PDCD11: variants seen among roughly 807,000 people sequenced by gnomAD.
PDCD11 encodes protein RRP5 homolog.
A neutral mutation model predicts 198.9 loss-of-function variants in PDCD11; 97 were observed. The ratio of observed to expected loss-of-function variants is 0.49; its 90% CI spans 0.41 to 0.58. The LOEUF (loss-of-function observed/expected upper bound fraction) is 0.58. Ranked by LOEUF, PDCD11 falls within the 20% of genes least tolerant of loss-of-function variation. The probability of loss-of-function intolerance (pLI) is 0.00; values close to 1 mark genes in which losing one functional copy is unlikely to be tolerated. For synonymous variants in PDCD11, 893 were observed against 918.0 expected (o/e 0.97, Z 0.49); for missense variants, 2,102 against 2,312.7 (o/e 0.91, Z 1.87).
intron 33 of PDCD11, 30 bp downstream of exon 33, chr10:103,443,363 G>A: frequency 6.4e-7 from 1 of 1,563,542 alleles, no homozygotes; most frequent in South Asian, 1.2e-5. Context: ...ACGAACTCCT[G>A]GGAGTTCCAG....
At chr10:103,412,522 G>A (rs1342960161) in intron 8 of PDCD11, among the ~76,000 whole-genome samples, 2 of 152,102 alleles carry the variant, frequency 1.3e-5, no homozygotes, top group Non-Finnish European at 2.9e-5. Context: ...GGGTTTCACT[G>A]TGTTAGCCAG....
At position 103,411,542 on chromosome 10, in the gene PDCD11, T is replaced by C. The variant is rs550408481; in HGVS notation, c.979-1574T>C. On this transcript the variant is annotated intron_variant, in intron 8 of 35. Transcript: ENST00000369797. Reference sequence around the variant, plus strand: ...CACCACGCCCAGCTAATTTTTGCTATGTTTTATAGAGATGGGGTCTCGCTG... The same window carrying C: ...CACCACGCCCAGCTAATTTTTGCTACGTTTTATAGAGATGGGGTCTCGCTG... Among the ~76,000 whole-genome samples, 3 of 152,028 alleles carry C rather than the reference T, an allele frequency of 2.0e-5. No individual in the cohort carries two copies. In the East Asian group the frequency reaches 5.8e-4, roughly 29 times the overall value.
intron 5 of PDCD11, 119 bp from the exon 6 acceptor site, chr10:103,405,866 G>C: frequency 9.3e-7 from 1 of 1,075,500 alleles, no homozygotes; most frequent in Non-Finnish European, 1.4e-6. Context: ...AAGGTTTAAT[G>C]TGGGAGTGGG....
intron 1 of PDCD11, among the ~76,000 whole-genome samples, chr10:103,397,989 A>G (rs569821677): frequency 8.5e-5 from 13 of 152,250 alleles, no homozygotes; most frequent in African/African-American, 3.1e-4. Flanking sequence ...ATCCCTTCCT[A>G]CATTGCCTTA....
In PDCD11 at chr10:103,441,919, C is replaced by T; in HGVS notation, c.4651C>T (p.Pro1551Ser). 1.2e-6 allele frequency: 2 copies of T among 1,614,210 alleles called. No individual in the cohort carries two copies. The highest frequency in any genetic ancestry group is 8.5e-7 in the Non-Finnish European group (1 of 1,180,026). Residue 1551 changes from proline to serine, a missense_variant, in exon 31 of 36, where the codon CCA becomes TCA. Pro to Ser is a moderately conservative substitution (Grantham distance 74). Coordinates refer to ENST00000369797, the MANE Select transcript of PDCD11 (RefSeq NM_014976.2). ...ACTAGACTCTCTGACCCCGGCCTTG[C>T]CACCTCTAGCAGAGAGCTCAGACAG... ...VGLDSLTPALPPLAESSDSEE... is the reference protein window; with the variant it reads ...VGLDSLTPALSPLAESSDSEE...
intron 1 of PDCD11, among the ~76,000 whole-genome samples, chr10:103,397,694 G>C (rs1364086893): frequency 6.6e-6 from 1 of 152,192 alleles, no homozygotes; most frequent in African/African-American, 2.4e-5. Flanking sequence ...TCGGGCTCCC[G>C]AAGTGCTGGC....
intron 17 of PDCD11, among the ~76,000 whole-genome samples, chr10:103,422,776 T>C (rs2031511271): frequency 6.6e-6 from 1 of 152,168 alleles, no homozygotes; most frequent in Non-Finnish European, 1.5e-5. Flanking sequence ...CCATGAATTA[T>C]GGTCAGGTAG....
At chr10:103,421,278 A>G in intron 16 of PDCD11, 70 bp from the exon 17 acceptor site, 3 of 1,272,626 alleles carry the variant, frequency 2.4e-6, no homozygotes, top group Non-Finnish European at 3.4e-6. Context: ...ACCCCTTTCC[A>G]GGAACATCAA....
In PDCD11 at chr10:103,441,807, C is replaced by T. The variant is rs200564569; in HGVS notation, c.4558-19C>T. On this transcript the variant is annotated intron_variant, in intron 30 of 35. Coordinates refer to ENST00000369797, the MANE Select transcript of PDCD11 (RefSeq NM_014976.2). ...AGCCTGAGCCAGGTGCTTTCTTTAG[C>T]GCCTCTGTGTTCCTCCAGGAGAAGC... is the stretch of plus-strand genomic sequence containing the variant. 9 of 1,610,998 alleles carry T rather than the reference C, an allele frequency of 5.6e-6. No homozygotes were observed. Among genetic ancestry groups the T allele is most frequent in the African/African-American group, 5.3e-5 (4 of 74,796 alleles).
chr10:103,433,282 G>A (rs1391909840), intron 22 of PDCD11, among the ~76,000 whole-genome samples: 2 of 152,100 alleles, frequency 1.3e-5, no homozygotes, highest in African/African-American at 2.4e-5. Context: ...ATCACTTCAG[G>A]TCAGGAGTTT....
intron 26 of PDCD11, 134 bp from the exon 27 acceptor site, chr10:103,438,552 C>A: frequency 8.5e-7 from 1 of 1,182,790 alleles, no homozygotes; most frequent in Non-Finnish European, 1.2e-6. Flanking sequence ...TAGAGTTGGG[C>A]TCTAAAGGTT....
chr10:103,444,356 G>T, intron 34 of PDCD11, 161 bp from the exon 35 acceptor site: 1 of 688,696 alleles, frequency 1.5e-6, no homozygotes, highest in Non-Finnish European at 2.5e-6. Context: ...CTGTGTATTT[G>T]GCCCCAAACC....
chr10:103,427,020 G>T (rs1189213516), intron 20 of PDCD11, among the ~76,000 whole-genome samples: 1 of 152,054 alleles, frequency 6.6e-6, no homozygotes, highest in Non-Finnish European at 1.5e-5. Context: ...GAGCTGGGAG[G>T]ATTGCTTGAG....
chr10:103,409,907 C>A, intron 8 of PDCD11, 101 bp downstream of exon 8: 6 of 805,934 alleles, frequency 7.4e-6, no homozygotes, highest in African/African-American at 3.4e-5. Flanking sequence ...TGCATGCATA[C>A]AGGTGTGCAG....
intron 7 of PDCD11, 127 bp downstream of exon 7, chr10:103,406,917 C>T (rs948764286): frequency 1.5e-6 from 1 of 659,276 alleles, no homozygotes; most frequent in African/African-American, 1.9e-5. Context: ...TTGAGCATTT[C>T]AAATGTGGCC....
At chr10:103,429,674 A>G (rs1203428277) in intron 21 of PDCD11, among the ~76,000 whole-genome samples, 1 of 151,976 alleles carries the variant, frequency 6.6e-6, no homozygotes, top group Non-Finnish European at 1.5e-5. Context: ...ACCCTCAACA[A>G]TTTTCAGGTA....
At chr10:103,418,655 T>C in intron 15 of PDCD11, 21 bp downstream of exon 15, 1 of 1,603,642 alleles carries the variant, frequency 6.2e-7, no homozygotes, top group Non-Finnish European at 8.5e-7. Context: ...CTGGTATCTG[T>C]GGAGCAGAGG....
In PDCD11 at chr10:103,440,811, G is replaced by A. The variant is rs775656823; in HGVS notation, c.4518G>A (p.Glu1506=). 5 of 1,613,918 alleles carry A rather than the reference G, an allele frequency of 3.1e-6. No homozygotes were observed. The South Asian group carries it at 5.5e-5, about 18-fold the overall frequency. Residue 1506 remains glutamate, a synonymous_variant, in exon 30 of 36, where the codon GAG becomes GAA. Coordinates refer to ENST00000369797, the MANE Select transcript of PDCD11 (RefSeq NM_014976.2). ...GCCTTGTGGACGTGTACTATCGGGA[G>A]GGAAAAGAGGAGGCAGAAGAGACGA... is the stretch of plus-strand genomic sequence containing the variant. ...DDSLVDVYYR[E]GKEEAEETNV...
Position 103,403,241 on chromosome 10 carries a change from A to G in PDCD11, c.358A>G (p.Thr120Ala), listed in dbSNP as rs2030225598. Residue 120 changes from threonine (T) to alanine (A), a missense_variant, in exon 4 of 36, where the codon ACC (threonine) becomes GCC (alanine). Physicochemically the swap from Thr to Ala is moderately conservative, Grantham distance 58. Coordinates refer to ENST00000369797, the MANE Select transcript of PDCD11 (RefSeq NM_014976.2). ...VQVTEICDAY[T>A]KKLNEQVTQE... Reference sequence around the variant, plus strand: ...AGTCACTGAAATCTGTGATGCCTACACCAAAAAGCTGAATGAGCAGGTGAC... The same window carrying G: ...AGTCACTGAAATCTGTGATGCCTACGCCAAAAAGCTGAATGAGCAGGTGAC... The G allele has an allele frequency of 6.2e-7, 1 of 1,614,108 alleles. No individual in the cohort carries two copies. Among genetic ancestry groups the G allele is most frequent in the Non-Finnish European group, 8.5e-7 (1 of 1,180,050 alleles).
Sources: allele counts gnomAD v4.1 joint callset (sites outside exome capture counted in the v4.1 genomes callset), GRCh38; gene constraint gnomAD v4.1.1; transcripts MANE v1.5; gene names NCBI Gene and HGNC (gene_info 2026-07-23, HGNC 2026-07-21).